HNRNPD: variants seen among roughly 807,000 people sequenced by gnomAD.
The protein encoded by HNRNPD is heterogeneous nuclear ribonucleoprotein D, also known as heterogeneous nuclear ribonucleoprotein D0.
A neutral mutation model predicts 47.9 loss-of-function variants in HNRNPD; 3 were observed. The observed-to-expected ratio is 0.06, with a 90% CI of 0.03 to 0.16. The LOEUF (loss-of-function observed/expected upper bound fraction) is 0.16, where lower values mean the gene tolerates loss of function less well. HNRNPD is among the 10% of genes least tolerant of loss of function. The pLI, the probability that HNRNPD is intolerant of heterozygous loss-of-function variation, is 1.00. For missense variants in HNRNPD, 287 were observed against 454.2 expected (o/e 0.63, Z 3.35); for synonymous variants, 171 against 165.1 (o/e 1.04, Z -0.28).
Position 82,359,524 on chromosome 4 carries a change from G to T in HNRNPD, c.406C>A (p.Arg136=). 1 of 1,597,000 alleles carries T rather than the reference G, an allele frequency of 6.3e-7. No individual in the cohort carries two copies. Among genetic ancestry groups the T allele is most frequent in the South Asian group, 1.1e-5 (1 of 89,484 alleles). ...CTLKLDPITG[R]SRGFGFVLFK... is the part of the protein sequence containing the mutation. ...AGCACAAAGCCAAAACCCCTTGATCGCCCTGTGATAGGATCTAACTTCAGA... is the reference window on the plus strand; with the variant it reads ...AGCACAAAGCCAAAACCCCTTGATCTCCCTGTGATAGGATCTAACTTCAGA... The change falls in exon 3 of 9, where the codon CGA becomes AGA. Residue 136 remains arginine (R), a synonymous_variant. Coordinates refer to ENST00000313899, the MANE Select transcript of HNRNPD (RefSeq NM_031370.3).
At chr4:82,366,678 C>A (rs1376817708) in intron 2 of HNRNPD, among the ~76,000 whole-genome samples, 1 of 151,964 alleles carries the variant, frequency 6.6e-6, no homozygotes, top group Non-Finnish European at 1.5e-5. Context: ...GTGATTCTCC[C>A]GCCTCAGCCT....
intron 2 of HNRNPD, among the ~76,000 whole-genome samples, chr4:82,365,965 C>T (rs1719733092): frequency 6.6e-6 from 1 of 151,760 alleles, no homozygotes; most frequent in African/African-American, 2.4e-5. Context: ...AATAACAAAT[C>T]TTCCCCAAAA....
chr4:82,364,175 G>T (rs550885211), intron 2 of HNRNPD, among the ~76,000 whole-genome samples: 1 of 151,836 alleles, frequency 6.6e-6, no homozygotes, highest in Non-Finnish European at 1.5e-5. Flanking sequence ...TTACTATGTC[G>T]CCCAGGCTAG....
At chr4:82,356,918 T>C in intron 5 of HNRNPD, 23 bp from the exon 6 acceptor site, 4 of 1,567,352 alleles carry the variant, frequency 2.6e-6, no homozygotes, top group Non-Finnish European at 3.5e-6. Flanking sequence ...AATTACATTA[T>C]TAAACTGACT....
intron 8 of HNRNPD, 144 bp downstream of exon 8, chr4:82,355,160 A>AT: frequency 1.6e-6 from 1 of 627,576 alleles, no homozygotes; most frequent in Non-Finnish European, 2.8e-6. Flanking sequence ...CCTGTGTTAC[A>AT]TATCTTTGAA....
chr4:82,370,496 G>A (rs1315283952), intron 2 of HNRNPD, among the ~76,000 whole-genome samples: 3 of 151,902 alleles, frequency 2.0e-5, no homozygotes, highest in Non-Finnish European at 4.4e-5. Context: ...CAAATACAGG[G>A]AATAACATTC....
chr4:82,370,981 T>TACACACACACACACACAC (rs1553896641), intron 2 of HNRNPD, among the ~76,000 whole-genome samples: 1 of 149,354 alleles, frequency 6.7e-6, no homozygotes, highest in Non-Finnish European at 1.5e-5. Flanking sequence ...GGTATATATA[T>TACACACACACACACACAC]ACACACACAC....
rs138901049 is a variant in HNRNPD at position 82,369,952 on chromosome 4, G to A, written c.290+1576C>T. Among the ~76,000 whole-genome samples the A allele has an allele frequency of 8.5e-3, 1,293 of 152,280 alleles. 6 individuals are homozygous for A. The highest frequency in any genetic ancestry group is 0.017 in the Middle Eastern group (5 of 294). On this transcript the variant is annotated intron_variant, in intron 2 of 8. Coordinates refer to ENST00000313899, the MANE Select transcript of HNRNPD (RefSeq NM_031370.3). ...GAGGTCGGGAGTTCGAGACCAGCCT[G>A]ACCAACATGAAGAAACCCTGTCTCT...
rs1723590333 is a variant in HNRNPD at position 82,353,451 on chromosome 4, T to C, written c.*734A>G. 1 of 152,550 alleles carries C rather than the reference T, an allele frequency of 6.6e-6. No homozygotes were observed. Among genetic ancestry groups the C allele is most frequent in the Non-Finnish European group, 1.5e-5 (1 of 68,038 alleles). 9.4% of individuals were successfully genotyped at this position (152,550 alleles called of 1,614,324 possible). ...ATTATAATTAACAGATTTTAAGTCC[T>C]TTTTATTTAATGGAAGCATAAAACA... is the stretch of plus-strand genomic sequence containing the variant. On this transcript the variant is annotated 3_prime_UTR_variant, in exon 9 of 9. Transcript: ENST00000313899.
chr4:82,356,385 C>T, intron 7 of HNRNPD, 152 bp downstream of exon 7: 4 of 619,952 alleles, frequency 6.5e-6, no homozygotes, highest in Non-Finnish European at 1.1e-5. Context: ...CTGGGAGGAA[C>T]CAAGCAATAA....
rs753566896 is a variant in HNRNPD, at chr4:82,371,559, A to T, written c.259T>A (p.Ser87Thr). ...EGHSNSSPRH[S>T]EAATAQREEW... ...TCCCGCTGTGCCGTCGCTGCTTCAG[A>T]GTGTCGTGGGGAGGAGTTTGAATGG... Residue 87 changes from serine to threonine, a missense_variant, in exon 2 of 9, where the codon TCT becomes ACT. This residue lies in a region of HNRNPD where 161 missense variants were observed against 137.1 expected (regional missense o/e 1.17). Coordinates refer to ENST00000313899, the MANE Select transcript of HNRNPD (RefSeq NM_031370.3). The T allele has an allele frequency of 1.2e-6, 2 of 1,613,578 alleles. No homozygotes were observed. The highest frequency in any genetic ancestry group is 2.2e-5 in the South Asian group (2 of 91,022).
At position 82,373,886 on chromosome 4, in the gene HNRNPD, T is replaced by G; in HGVS notation, c.-208A>C. 1 of 1,114,542 alleles carries G rather than the reference T, an allele frequency of 9.0e-7. No homozygotes were observed. Among genetic ancestry groups the G allele is most frequent in the South Asian group, 1.7e-5 (1 of 59,300 alleles). The allele number at this position is 1,114,542 out of a possible 1,614,324, so 69.0% of individuals were successfully genotyped here. ...CCTCCCACTCTCGCGCGGCGCACAC[T>G]CCCGCTCTCTCCCGCTGCACTAAAA... On this transcript the variant is annotated 5_prime_UTR_variant, in exon 1 of 9. Coordinates refer to ENST00000313899, the MANE Select transcript of HNRNPD (RefSeq NM_031370.3).
intron 7 of HNRNPD, chr4:82,355,654 T>TTA (rs1168783643): frequency 4.2e-6 from 2 of 474,378 alleles, no homozygotes; most frequent in African/African-American, 4.0e-5. Context: ...CCCTTACAGT[T>TTA]TAAAAGTTTT....
At chr4:82,370,077 G>A (rs1719962675) in intron 2 of HNRNPD, among the ~76,000 whole-genome samples, 1 of 152,204 alleles carries the variant, frequency 6.6e-6, no homozygotes, top group African/African-American at 2.4e-5. Flanking sequence ...GGGAGGTGGA[G>A]GTTGCGCTGA....
chr4:82,371,242 ATT>A (rs1322241642), intron 2 of HNRNPD, among the ~76,000 whole-genome samples: 2 of 152,134 alleles, frequency 1.3e-5, no homozygotes, highest in Non-Finnish European at 2.9e-5. Context: ...TTACGGTAAT[ATT>A]TTTTCTTGCT....
In HNRNPD at chr4:82,356,990, G is replaced by C. The variant is rs543172534; in HGVS notation, c.754-95C>G. ...CCAGAATAGCCAACATGTTTAAATAGAGTAGGCTAATTTGAAACTTTCCTC... is the reference window on the plus strand; with the variant it reads ...CCAGAATAGCCAACATGTTTAAATACAGTAGGCTAATTTGAAACTTTCCTC... On this transcript the variant is annotated intron_variant, in intron 5 of 8. Transcript: ENST00000313899. 1.0e-4 allele frequency: 108 copies of C among 1,060,530 alleles called. 1 individual carries two copies. The South Asian group carries it at 1.3e-3, about 13-fold the overall frequency. 65.7% of individuals were successfully genotyped at this position (1,060,530 alleles called of 1,614,324 possible).
intron 2 of HNRNPD, among the ~76,000 whole-genome samples, chr4:82,362,483 T>A (rs1332394712): frequency 3.4e-5 from 5 of 148,052 alleles, no homozygotes; most frequent in South Asian, 4.3e-4. Context: ...GCTTAGGCTT[T>A]AAAAAAAAAA....
chr4:82,371,717 G>T (rs1248600727), intron 1 of HNRNPD, 133 bp from the exon 2 acceptor site: 2 of 609,520 alleles, frequency 3.3e-6, no homozygotes, highest in Non-Finnish European at 2.9e-6. Context: ...TTTGCGATTT[G>T]AATTATCAGG....
chr4:82,356,334 C>A, intron 7 of HNRNPD: 2 of 487,380 alleles, frequency 4.1e-6, no homozygotes, highest in East Asian at 3.1e-5. Context: ...TATATAGAAC[C>A]ACACATACAC....
Sources: gnomAD v4.1 joint callset for allele counts (sites outside exome capture counted in the v4.1 genomes callset) on GRCh38, gnomAD v4.1.1 for gene constraint, gnomAD v4.1.1 regional missense constraint, MANE v1.5 for transcripts, NCBI Gene and HGNC (gene_info 2026-07-23, HGNC 2026-07-21) for gene names.